Variants in OTOGL observed in about 807,000 individuals in gnomAD.
OTOGL encodes the protein otogelin-like protein.
A neutral mutation model predicts 318.5 loss-of-function variants in OTOGL; 285 were observed. The ratio of observed to expected loss-of-function variants is 0.89; its 90% CI spans 0.81 to 0.99. The LOEUF is 0.99. Among genes scored for constraint, OTOGL ranks in the 50% least tolerant of loss-of-function variants. The pLI, the probability that OTOGL is intolerant of heterozygous loss-of-function variation, is 0.00. For missense variants in OTOGL, 2,899 were observed against 2,845.6 expected, an observed-to-expected ratio of 1.02 and a Z score of -0.43; for synonymous variants, 987 against 936.5, an observed-to-expected ratio of 1.05 and a Z score of -0.99.
chr12:80,278,943 T>A, intron 25 of OTOGL, 85 bp from the exon 26 acceptor site: 1 of 1,455,600 alleles, frequency 6.9e-7, no homozygotes, highest in Non-Finnish European at 9.5e-7. Flanking sequence ...TTCTCTTGAA[T>A]ACAGACATTC....
rs532568143 is a variant in OTOGL, at chr12:80,145,026, A to G, written c.-20+45421A>G. Among the ~76,000 whole-genome samples the G allele has an allele frequency of 1.1e-3, 167 of 151,482 alleles. 3 individuals are homozygous for G. Among genetic ancestry groups the G allele is most frequent in the African/African-American group, 3.8e-3 (154 of 40,908 alleles). The stretch of plus-strand genomic sequence containing the variant: ...TAGGTTGCCTGTTCACTCTGATGGT[A>G]GTTTCTTTTGCTGTACAGAAGCTCT... On this transcript the variant is annotated intron_variant, in intron 1 of 58. Coordinates refer to ENST00000547103, the MANE Select transcript of OTOGL (RefSeq NM_001378609.3).
Position 80,367,702 on chromosome 12 carries a change from AT to A in OTOGL, c.6477del (p.Phe2159LeufsTer4). 1 of 1,461,956 alleles carries A rather than the reference AT, an allele frequency of 6.8e-7. No homozygotes were observed. Among genetic ancestry groups the A allele is most frequent in the Non-Finnish European group, 9.1e-7 (1 of 1,103,472 alleles). The allele number at this position is 1,461,956 out of a possible 1,614,324, so 90.6% of individuals were successfully genotyped here. On this transcript the variant is annotated frameshift_variant, in exon 54 of 59. Transcript: ENST00000547103. LOFTEE classifies it high-confidence loss of function. ...AACCATACGGGCTTTCACACTCTGAATTTTACACTGGTGAATTGTTCAAAAA... is the reference window on the plus strand; with the variant it reads ...AACCATACGGGCTTTCACACTCTGAATTTACACTGGTGAATTGTTCAAAAA... The part of the protein sequence containing the change: ...KDNHTGFHTL[N>X]FTLVNCSKKC...
intron 26 of OTOGL, among the ~76,000 whole-genome samples, chr12:80,293,246 C>G (rs1367030870): frequency 2.0e-5 from 3 of 152,034 alleles, no homozygotes; most frequent in Non-Finnish European, 2.9e-5. Context: ...CTTTTACTAT[C>G]TCTTAATATT....
chr12:80,336,237 T>TA (rs756703660), intron 39 of OTOGL, 97 bp downstream of exon 39: 17 of 1,379,050 alleles, frequency 1.2e-5, no homozygotes, highest in Non-Finnish European at 1.6e-5. Context: ...AAGCCAAAGT[T>TA]ACTGTTTTTG....
chr12:80,338,253 T>C (rs1197268381), intron 42 of OTOGL, among the ~76,000 whole-genome samples: 4 of 152,056 alleles, frequency 2.6e-5, no homozygotes, highest in East Asian at 1.9e-4. Flanking sequence ...TAATGTCTTA[T>C]AGTTTGTAGT....
In OTOGL at chr12:80,252,166, A is replaced by T. The variant is rs1383621105; in HGVS notation, c.1250A>T (p.Asn417Ile). 1.0e-5 allele frequency: 16 copies of T among 1,595,012 alleles called. No individual in the cohort carries two copies. In the East Asian group the frequency reaches 3.6e-4, roughly 36 times the overall value. ...TTTGAGAAGCAATGTCTTGGGAGCA[A>T]TCTCCATTGTCTTGATGGATGTTAC... ...CTFEKQCLGS[N>I]LHCLDGCYCP... Residue 417 changes from asparagine to isoleucine, a missense_variant, in exon 13 of 59, where the codon AAT becomes ATT. Asn to Ile is a moderately radical substitution (Grantham distance 149). Transcript: ENST00000547103.
chr12:80,358,288 T>C lies in OTOGL; in HGVS notation c.6060T>C (p.Asp2020=), dbSNP rs759494337. The change falls in exon 50 of 59, where the codon GAT becomes GAC. Residue 2020 remains aspartate, a synonymous_variant. Coordinates refer to ENST00000547103, the MANE Select transcript of OTOGL (RefSeq NM_001378609.3). ...SCTKPVPLCH[D]GEFLTVDLNS... is the part of the protein sequence containing the mutation. ...CCAAACCTGTTCCACTATGTCATGATGGGGAATTTCTCACAGTAGATCTTA... is the reference window on the plus strand; with the variant it reads ...CCAAACCTGTTCCACTATGTCATGACGGGGAATTTCTCACAGTAGATCTTA... 7 of 1,612,286 alleles carry C rather than the reference T, an allele frequency of 4.3e-6. No individual in the cohort carries two copies. The Admixed American group carries it at 5.0e-5, about 12-fold the overall frequency.
intron 1 of OTOGL, among the ~76,000 whole-genome samples, chr12:80,186,851 A>G (rs1197203990): frequency 6.6e-6 from 1 of 152,138 alleles, no homozygotes; most frequent in Non-Finnish European, 1.5e-5. Context: ...TGGCTAAGAT[A>G]GCACAGAGTC....
chr12:80,175,545 G>A (rs564171754), intron 1 of OTOGL, among the ~76,000 whole-genome samples: 18 of 152,226 alleles, frequency 1.2e-4, no homozygotes, highest in South Asian at 1.0e-3. Flanking sequence ...AGCATGACTC[G>A]CATTTTTATA....
chr12:80,214,899 C>CAATA (rs1370263710), intron 4 of OTOGL, among the ~76,000 whole-genome samples: 1 of 151,936 alleles, frequency 6.6e-6, no homozygotes, highest in Non-Finnish European at 1.5e-5. Flanking sequence ...TCAAATATGT[C>CAATA]AATAAATAAA....
Position 80,253,443 on chromosome 12 carries a change from G to C in OTOGL, c.1286-23G>C, listed in dbSNP as rs368674353. On this transcript the variant is annotated intron_variant, in intron 13 of 58. Coordinates refer to ENST00000547103, the MANE Select transcript of OTOGL (RefSeq NM_001378609.3). ...TCTTTATTATTTCTTTTGAAATTTT[G>C]ATGTGTATTTCTTCTCAATTAGGCC... The C allele has an allele frequency of 3.9e-6, 6 of 1,555,616 alleles. No individual in the cohort carries two copies. The African/African-American group carries it at 5.4e-5, about 14-fold the overall frequency.
chr12:80,175,662 A>G (rs1236310216), intron 1 of OTOGL, among the ~76,000 whole-genome samples: 2 of 151,994 alleles, frequency 1.3e-5, no homozygotes, highest in Non-Finnish European at 2.9e-5. Context: ...TTCCCCAGTA[A>G]CCTGTGTCAG....
rs1877102783 is a variant in OTOGL, at chr12:80,209,764, C to A, written c.79+254C>A. 3.3e-5 allele frequency among the ~76,000 whole-genome samples: 5 copies of A among 151,874 alleles called. No individual in the cohort carries two copies. The South Asian group carries it at 6.2e-4, about 19-fold the overall frequency. On this transcript the variant is annotated intron_variant, in intron 2 of 58. Transcript: ENST00000547103. The stretch of plus-strand genomic sequence containing the variant: ...TTATGATATGCAATTGTACTAGAAC[C>A]TTTTAGTTTTCATTTCTTGAATCTT...
intron 49 of OTOGL, 97 bp from the exon 50 acceptor site, chr12:80,358,151 A>G (rs1200616764): frequency 3.3e-5 from 27 of 813,666 alleles, no homozygotes; most frequent in African/African-American, 8.7e-5. Context: ...ATTTTCTTAA[A>G]CAAAATTGAT....
chr12:80,204,982 A>T (rs1359605920), intron 1 of OTOGL, among the ~76,000 whole-genome samples: 1 of 152,180 alleles, frequency 6.6e-6, no homozygotes, highest in Admixed American at 6.5e-5. Context: ...CAAATTCAAA[A>T]TTACAAAATC....
intron 1 of OTOGL, among the ~76,000 whole-genome samples, chr12:80,173,434 G>A (rs149127688): frequency 1.9e-3 from 289 of 152,222 alleles, no homozygotes; most frequent in African/African-American, 5.8e-3. Context: ...GTAAACTGCC[G>A]TGGTGGTGGT....
chr12:80,169,883 G>T (rs1419904020), intron 1 of OTOGL, among the ~76,000 whole-genome samples: 2 of 152,122 alleles, frequency 1.3e-5, no homozygotes, highest in South Asian at 2.1e-4. Flanking sequence ...CCATTGTATG[G>T]ATCACCAAAA....
At chr12:80,315,851 A>G (rs1886936337) in intron 32 of OTOGL, among the ~76,000 whole-genome samples, 1 of 152,198 alleles carries the variant, frequency 6.6e-6, no homozygotes, top group South Asian at 2.1e-4. Flanking sequence ...CCTGTTCAAG[A>G]TTTTAAAGAG....
At chr12:80,195,107 A>G (rs1438890605) in intron 1 of OTOGL, among the ~76,000 whole-genome samples, 1 of 152,228 alleles carries the variant, frequency 6.6e-6, no homozygotes, top group African/African-American at 2.4e-5. Context: ...CTTGATGTTT[A>G]TAAGTTTCTT....
Sources: allele counts gnomAD v4.1 joint callset (sites outside exome capture counted in the v4.1 genomes callset), GRCh38; gene constraint gnomAD v4.1.1; transcripts MANE v1.5; gene names NCBI Gene and HGNC (gene_info 2026-07-23, HGNC 2026-07-21).